C13orf42: variants seen among roughly 807,000 people sequenced by gnomAD.
The protein encoded by C13orf42 is uncharacterized protein C13orf42.
intron 1 of C13orf42, among the ~76,000 whole-genome samples, chr13:51,090,363 T>A (rs1184544059): frequency 3.9e-5 from 6 of 152,228 alleles, no homozygotes; most frequent in Admixed American, 3.3e-4. Context: ...ATGACAGATA[T>A]CACTTTAGAG....
At chr13:51,138,317 C>T (rs1953672196) in intron 1 of C13orf42, among the ~76,000 whole-genome samples, 1 of 152,180 alleles carries the variant, frequency 6.6e-6, no homozygotes, top group Admixed American at 6.5e-5. Context: ...TTGTACTGCA[C>T]ATTTGCGTGT....
At chr13:51,108,137 C>G (rs1293709062) in intron 1 of C13orf42, among the ~76,000 whole-genome samples, 1 of 152,138 alleles carries the variant, frequency 6.6e-6, no homozygotes, top group East Asian at 1.9e-4. Flanking sequence ...CTCACATGGC[C>G]ATCTTCTTAT....
At chr13:51,097,706 C>A (rs764003594) in intron 1 of C13orf42, among the ~76,000 whole-genome samples, 1 of 151,622 alleles carries the variant, frequency 6.6e-6, no homozygotes, top group Non-Finnish European at 1.5e-5. Context: ...TCCCTGAACT[C>A]ACAACTCCAA....
intron 1 of C13orf42, among the ~76,000 whole-genome samples, chr13:51,109,923 G>A (rs778493130): frequency 3.9e-5 from 6 of 152,146 alleles, no homozygotes; most frequent in East Asian, 1.9e-4. Context: ...TTATTGTGAC[G>A]CTCAAGAAAA....
intron 1 of C13orf42, among the ~76,000 whole-genome samples, chr13:51,093,929 C>T (rs543380233): frequency 3.3e-5 from 5 of 152,168 alleles, no homozygotes; most frequent in East Asian, 1.9e-4. Flanking sequence ...AGAAAGTTTT[C>T]GAGGTAACCA....
At chr13:51,100,168 T>C (rs979628284) in intron 1 of C13orf42, among the ~76,000 whole-genome samples, 4 of 152,018 alleles carry the variant, frequency 2.6e-5, no homozygotes, top group African/African-American at 9.7e-5. Context: ...GATTGGTTTT[T>C]TTTAAAAAAA....
intron 1 of C13orf42, among the ~76,000 whole-genome samples, chr13:51,118,998 G>A (rs189122334): frequency 2.0e-5 from 3 of 152,084 alleles, no homozygotes; most frequent in Non-Finnish European, 4.4e-5. Context: ...AGTGTGCCCA[G>A]GTGTACGGCA....
rs189132584 is a variant in C13orf42, at chr13:51,139,271, C to T, written n.137-26049G>A. ...CGGAGGTTGCAGTCAGCCAAGATCA[C>T]GCCACTGTACTCCAGCCTGGGCAAT... On this transcript the variant is annotated intron_variant and non_coding_transcript_variant, in intron 1 of 4. Coordinates refer to the C13orf42 transcript ENST00000433280. Among the ~76,000 whole-genome samples, 20 of 152,150 alleles carry T rather than the reference C, an allele frequency of 1.3e-4. No individual in the cohort carries two copies. The East Asian group carries it at 2.7e-3, about 21-fold the overall frequency.
At chr13:51,133,033 T>C (rs1459310927) in intron 1 of C13orf42, among the ~76,000 whole-genome samples, 2 of 152,156 alleles carry the variant, frequency 1.3e-5, no homozygotes, top group African/African-American at 4.8e-5. Context: ...AGGGGAGGCA[T>C]GAATAATCCA....
At chr13:51,129,690 G>A (rs1476120450) in intron 1 of C13orf42, among the ~76,000 whole-genome samples, 1 of 151,936 alleles carries the variant, frequency 6.6e-6, no homozygotes, top group Non-Finnish European at 1.5e-5. Context: ...ATAAAGTTTT[G>A]GTTAATAGAA....
chr13:51,091,177 G>A (rs149069210), intron 1 of C13orf42, among the ~76,000 whole-genome samples: 45 of 152,204 alleles, frequency 3.0e-4, no homozygotes, highest in Middle Eastern at 3.4e-3. Context: ...CCCACTTCCC[G>A]GGCTCTGCTG....
intron 2 of C13orf42, among the ~76,000 whole-genome samples, chr13:51,087,632 G>A (rs148009345): frequency 6.6e-6 from 1 of 152,140 alleles, no homozygotes; most frequent in African/African-American, 2.4e-5. Context: ...AGTCCCACCT[G>A]TCTCAGCCGT....
In C13orf42 at chr13:51,156,543, C is replaced by G. The variant is rs1953825269; in HGVS notation, n.136+15710G>C. Among the ~76,000 whole-genome samples, 3 of 152,158 alleles carry G rather than the reference C, an allele frequency of 2.0e-5. 1 individual carries two copies. The highest frequency in any genetic ancestry group is 2.0e-4 in the Admixed American group (3 of 15,274). ...TGTCTTCAGAGCCTATGGTACTGAT[C>G]AAAAGGCCACACAGACCAAGGTTAA... On this transcript the variant is annotated intron_variant and non_coding_transcript_variant, in intron 1 of 4. Coordinates refer to the C13orf42 transcript ENST00000433280.
chr13:51,090,557 T>A (rs1402178581), intron 1 of C13orf42, among the ~76,000 whole-genome samples: 2 of 152,226 alleles, frequency 1.3e-5, no homozygotes, highest in Admixed American at 6.5e-5. Context: ...AAGGCAACTG[T>A]CATCAGCGTT....
intron 1 of C13orf42, among the ~76,000 whole-genome samples, chr13:51,144,926 AG>A (rs1158566298): frequency 1.3e-5 from 2 of 152,280 alleles, no homozygotes; most frequent in African/African-American, 4.8e-5. Flanking sequence ...AATTAGGCCA[AG>A]TATAATAAGC....
intron 1 of C13orf42, among the ~76,000 whole-genome samples, chr13:51,157,282 A>T (rs1481626710): frequency 6.6e-6 from 1 of 152,070 alleles, no homozygotes; most frequent in East Asian, 1.9e-4. Context: ...AAAAATACAA[A>T]AATTAGCTGA....
At chr13:51,093,671 T>C (rs1953202734) in intron 1 of C13orf42, among the ~76,000 whole-genome samples, 1 of 152,230 alleles carries the variant, frequency 6.6e-6, no homozygotes, top group South Asian at 2.1e-4. Context: ...TGGGGGTTTA[T>C]GTGATGTTGG....
At chr13:51,114,216 A>G (rs963109641), upstream of C13orf42, among the ~76,000 whole-genome samples, 1 of 152,204 alleles carries the variant, frequency 6.6e-6, no homozygotes, top group Admixed American at 6.5e-5. Context: ...GAATGAGAGT[A>G]TGGGCCTTAC....
intron 1 of C13orf42, among the ~76,000 whole-genome samples, chr13:51,169,923 G>A (rs1036090823): frequency 6.6e-6 from 1 of 152,174 alleles, no homozygotes; most frequent in Non-Finnish European, 1.5e-5. Context: ...GCATGTATAC[G>A]CCCAGATGGC....
Sources: gnomAD v4.1 joint callset for allele counts (sites outside exome capture counted in the v4.1 genomes callset) on GRCh38, gnomAD v4.1.1 for gene constraint, MANE v1.5 for transcripts, NCBI Gene and HGNC (gene_info 2026-07-23, HGNC 2026-07-21) for gene names.